Variants in LHPP observed in about 807,000 individuals in gnomAD.
The protein encoded by LHPP is hLHPP.
Under a neutral mutation model 30.3 loss-of-function variants are expected in LHPP, and 24 were observed. The observed-to-expected ratio is 0.79, with a 90% CI of 0.57 to 1.11. The LOEUF (loss-of-function observed/expected upper bound fraction) is 1.11, where lower values mean the gene tolerates loss of function less well. LHPP is among the 50% of genes most tolerant of loss of function. The probability of loss-of-function intolerance (pLI) is 0.00; values close to 1 mark genes in which losing one functional copy is unlikely to be tolerated. For missense variants in LHPP, 356 were observed against 367.2 expected (o/e 0.97, Z 0.25); for synonymous variants, 150 against 157.1 (o/e 0.95, Z 0.34).
intron 6 of LHPP, among the ~76,000 whole-genome samples, chr10:124,586,140 G>A (rs887850448): frequency 6.6e-6 from 1 of 152,194 alleles, no homozygotes; most frequent in Non-Finnish European, 1.5e-5. Context: ...GCTGGTTCAA[G>A]GCTAACATGC....
intron 2 of LHPP, among the ~76,000 whole-genome samples, chr10:124,485,515 C>T (rs1953298171): frequency 6.6e-6 from 1 of 151,538 alleles, no homozygotes; most frequent in East Asian, 1.9e-4. Flanking sequence ...TTTTTTTTTT[C>T]AGTCATTGGT....
intron 6 of LHPP, chr10:124,545,901 G>A (rs41307538): frequency 0.23 from 34,840 of 152,152 alleles, 4,032 homozygotes; most frequent in Middle Eastern, 0.32. Context: ...GGTGGCTGGC[G>A]ACAGTCACGG....
intron 6 of LHPP, among the ~76,000 whole-genome samples, chr10:124,531,336 A>G (rs1954898747): frequency 6.6e-6 from 1 of 152,238 alleles, no homozygotes; most frequent in Admixed American, 6.5e-5. Flanking sequence ...CACCTCCAGA[A>G]GAATTACCTG....
At chr10:124,480,104 T>G (rs924783296) in intron 1 of LHPP, among the ~76,000 whole-genome samples, 1 of 152,178 alleles carries the variant, frequency 6.6e-6, no homozygotes, top group Non-Finnish European at 1.5e-5. Context: ...TTTTACTCTT[T>G]AAACAATAGT....
At position 124,488,428 on chromosome 10, in the gene LHPP, G is replaced by A. The variant is rs761368235; in HGVS notation, c.320G>A (p.Arg107His). Residue 107 changes from arginine to histidine, a missense_variant, in exon 3 of 7, where the codon CGC becomes CAC. Physicochemically the swap from Arg to His is conservative, Grantham distance 29. Coordinates refer to ENST00000368842, the MANE Select transcript of LHPP (RefSeq NM_022126.4). ...TCTCTCTCTCTCTTTCCAGGAGTCC[G>A]CTCAGAATTTGATCAGATCGACACA... ...RPYLLIHDGV[R>H]SEFDQIDTSN... 8 of 1,613,624 alleles carry A rather than the reference G, an allele frequency of 5.0e-6. No homozygotes were observed. The highest frequency in any genetic ancestry group is 3.3e-5 in the Admixed American group (2 of 59,952).
chr10:124,465,074 G>A (rs542995029), intron 1 of LHPP, among the ~76,000 whole-genome samples: 2 of 152,174 alleles, frequency 1.3e-5, no homozygotes, highest in Non-Finnish European at 2.9e-5. Flanking sequence ...GTGTGAAGAC[G>A]GGAGGGTACT....
chr10:124,593,550 A>C lies in LHPP; in HGVS notation c.717-19714A>C. Among the ~76,000 whole-genome samples the C allele has an allele frequency of 6.6e-6, 1 of 151,752 alleles. No homozygotes were observed. Among genetic ancestry groups the C allele is most frequent in the African/African-American group, 2.4e-5 (1 of 41,270 alleles). On this transcript the variant is annotated intron_variant, in intron 6 of 6. Transcript: ENST00000368842. This position sits in a 1 kb window ranked among gnomAD's most constrained non-coding sequence, Gnocchi z 4.9. The stretch of plus-strand genomic sequence containing the variant: ...GTGTTGGCTGCATGACCCGAACTTT[A>C]CTCCCATGTCCTCCTCTTGGGGGTG...
chr10:124,607,521 C>T (rs12761008), intron 6 of LHPP, among the ~76,000 whole-genome samples: 32,760 of 152,206 alleles, frequency 0.22, 4,088 homozygotes, highest in Admixed American at 0.27. Flanking sequence ...CGCCATTCGG[C>T]TAGGTACACG....
intron 6 of LHPP, among the ~76,000 whole-genome samples, chr10:124,548,750 C>T (rs115694659): frequency 1.3e-3 from 205 of 152,282 alleles, no homozygotes; most frequent in African/African-American, 4.7e-3. Context: ...AATGGAGCTC[C>T]GAGGGACAGG....
At chr10:124,492,133 G>A (rs981580759) in intron 3 of LHPP, among the ~76,000 whole-genome samples, 4 of 152,104 alleles carry the variant, frequency 2.6e-5, no homozygotes, top group East Asian at 1.9e-4. Context: ...CCTCCCTGTC[G>A]TCCCTGTCTC....
chr10:124,479,531 A>G (rs1311080113), intron 1 of LHPP, among the ~76,000 whole-genome samples: 4 of 152,056 alleles, frequency 2.6e-5, no homozygotes, highest in African/African-American at 9.7e-5. Context: ...ATTTTTTCAC[A>G]GTTCTGGAGG....
At chr10:124,607,701 G>A (rs534939458) in intron 6 of LHPP, among the ~76,000 whole-genome samples, 48 of 152,262 alleles carry the variant, frequency 3.2e-4, no homozygotes, top group African/African-American at 9.6e-4. Context: ...CCGGGGGCTC[G>A]GATGATGAAT....
At chr10:124,589,770 G>A (rs371962393) in intron 6 of LHPP, among the ~76,000 whole-genome samples, 2 of 152,166 alleles carry the variant, frequency 1.3e-5, no homozygotes, top group Non-Finnish European at 2.9e-5. Context: ...GGGTGAGGTC[G>A]GCTCTCGTTC....
intron 5 of LHPP, among the ~76,000 whole-genome samples, chr10:124,502,485 C>A (rs909891337): frequency 1.3e-5 from 2 of 151,486 alleles, no homozygotes; most frequent in Non-Finnish European, 2.9e-5. Flanking sequence ...CTGCCTCAGC[C>A]TCCCAAGTAG....
chr10:124,613,055 G>A (rs1203904105), intron 6 of LHPP: 2 of 594,260 alleles, frequency 3.4e-6, no homozygotes, highest in African/African-American at 3.7e-5. Context: ...GAGGTGTCCA[G>A]GTTGAGGGCA....
At chr10:124,549,150 T>C (rs891173003) in intron 6 of LHPP, among the ~76,000 whole-genome samples, 1 of 152,200 alleles carries the variant, frequency 6.6e-6, no homozygotes, top group Admixed American at 6.5e-5. Flanking sequence ...GTTTGATGAA[T>C]GTATAGCCAG....
In LHPP at chr10:124,613,689, T is replaced by C. The variant is rs902020704; in HGVS notation, c.*329T>C. ...GTCAGGCCTCTGGGAATCTCCCAAA[T>C]CCCAGAACTCACCACTCACCATGGG... is the stretch of plus-strand genomic sequence containing the variant. On this transcript the variant is annotated 3_prime_UTR_variant, in exon 7 of 7. Coordinates refer to ENST00000368842, the MANE Select transcript of LHPP (RefSeq NM_022126.4). 1.8e-4 allele frequency: 77 copies of C among 418,820 alleles called. No individual in the cohort carries two copies. The highest frequency in any genetic ancestry group is 2.5e-4 in the South Asian group (9 of 35,830). The allele number at this position is 418,820 out of a possible 1,614,324, so 25.9% of individuals were successfully genotyped here. A position where few individuals can be genotyped will look rare whatever the true frequency, so the allele number is the denominator to read the frequency against.
At chr10:124,488,834 C>T (rs750329820) in intron 3 of LHPP, among the ~76,000 whole-genome samples, 3 of 151,954 alleles carry the variant, frequency 2.0e-5, no homozygotes, top group Admixed American at 1.3e-4. Context: ...TAGAAGAGGG[C>T]GTCATTGCAG....
chr10:124,529,661 A>G (rs2133928906), intron 6 of LHPP, among the ~76,000 whole-genome samples: 1 of 152,278 alleles, frequency 6.6e-6, no homozygotes, highest in South Asian at 2.1e-4. Context: ...CCTGGGCCAC[A>G]GCCATCCGTG....
Sources: gnomAD v4.1 joint callset for allele counts (sites outside exome capture counted in the v4.1 genomes callset) on GRCh38, gnomAD v4.1.1 for gene constraint, Gnocchi (gnomAD v3.1) non-coding constraint, MANE v1.5 for transcripts, NCBI Gene and HGNC (gene_info 2026-07-23, HGNC 2026-07-21) for gene names.